ADAMTS2: variants seen among roughly 807,000 people sequenced by gnomAD.
ADAMTS2 encodes A disintegrin and metalloproteinase with thrombospondin motifs 2.
A neutral mutation model predicts 123.0 loss-of-function variants in ADAMTS2; 50 were observed. That is an observed-to-expected ratio of 0.41 (90% CI 0.32 to 0.51). The LOEUF (loss-of-function observed/expected upper bound fraction) is 0.51. Ranked by LOEUF, ADAMTS2 falls within the 20% of genes least tolerant of loss-of-function variation. The probability of loss-of-function intolerance (pLI) is 0.35; values close to 1 mark genes in which losing one functional copy is unlikely to be tolerated. For synonymous variants in ADAMTS2, 678 were observed against 695.4 expected, an observed-to-expected ratio of 0.98 and a Z score of 0.39; for missense variants, 1,494 against 1,705.2, an observed-to-expected ratio of 0.88 and a Z score of 2.18.
chr5:179,235,836 T>C (rs1471546715), intron 3 of ADAMTS2, among the ~76,000 whole-genome samples: 1 of 152,176 alleles, frequency 6.6e-6, no homozygotes, highest in Non-Finnish European at 1.5e-5. Context: ...TGCACTGGGA[T>C]TGCTCCAACA....
intron 2 of ADAMTS2, among the ~76,000 whole-genome samples, chr5:179,318,066 T>C (rs1289967394): frequency 1.3e-5 from 2 of 152,160 alleles, no homozygotes; most frequent in East Asian, 1.9e-4. Flanking sequence ...GCCACGTCTC[T>C]ACCCTGGCCA....
At position 179,130,918 on chromosome 5, in the gene ADAMTS2, C is replaced by T. The variant is rs7722275; in HGVS notation, c.2291-820G>A. On this transcript the variant is annotated intron_variant, in intron 15 of 21. Coordinates refer to ENST00000251582, the MANE Select transcript of ADAMTS2 (RefSeq NM_014244.5). This position sits in a 1 kb window ranked among gnomAD's most constrained non-coding sequence, Gnocchi z 4.3. ...CCCCAGAGGCGGTGGCAGGAAGCAG[C>T]GTTGGGACAGAAATGTCTTTTTGTT... Among the ~76,000 whole-genome samples the T allele has an allele frequency of 0.64, 96,638 of 151,898 alleles. 30,810 individuals carry two copies. The highest frequency in any genetic ancestry group is 0.67 in the African/African-American group (27,571 of 41,376).
Position 179,221,719 on chromosome 5 carries a change from G to C in ADAMTS2, c.689-14004C>G, listed in dbSNP as rs538599435. Among the ~76,000 whole-genome samples the C allele has an allele frequency of 1.2e-4, 19 of 152,146 alleles. No individual in the cohort carries two copies. The South Asian group carries it at 2.5e-3, about 20-fold the overall frequency. On this transcript the variant is annotated intron_variant, in intron 3 of 21. Coordinates refer to ENST00000251582, the MANE Select transcript of ADAMTS2 (RefSeq NM_014244.5). ...GCTCCCTGGATCTGCCCAGAGAAGA[G>C]CCCCCCGCAGAGGTGATGCAATGCT...
chr5:179,125,273 G>C, intron 18 of ADAMTS2, 93 bp from the exon 19 acceptor site: 1 of 1,189,862 alleles, frequency 8.4e-7, no homozygotes, highest in Non-Finnish European at 1.2e-6. Flanking sequence ...AGCCCAGGTA[G>C]ACAGCGAGCA....
chr5:179,172,952 C>T (rs940733147), intron 5 of ADAMTS2, among the ~76,000 whole-genome samples: 6 of 152,016 alleles, frequency 3.9e-5, no homozygotes, highest in African/African-American at 1.2e-4. Flanking sequence ...CACCTGTAAT[C>T]CCAGTGCTAT....
chr5:179,129,616 T>C lies in ADAMTS2; in HGVS notation c.2457+316A>G, dbSNP rs894584882. 6.6e-6 allele frequency among the ~76,000 whole-genome samples: 1 copy of C among 152,070 alleles called. No individual in the cohort carries two copies. Among genetic ancestry groups the C allele is most frequent in the South Asian group, 2.1e-4 (1 of 4,810 alleles). ...CGTCACCTCCCAGAGTGTCACCGAT[T>C]CCAATGTAACAGCACACTCGAACGA... On this transcript the variant is annotated intron_variant, in intron 16 of 21. Coordinates refer to ENST00000251582, the MANE Select transcript of ADAMTS2 (RefSeq NM_014244.5). The surrounding 1 kb of genome is among the most constrained non-coding windows in gnomAD (Gnocchi z 4.1).
chr5:179,232,555 G>T (rs1216604472), intron 3 of ADAMTS2, among the ~76,000 whole-genome samples: 1 of 152,190 alleles, frequency 6.6e-6, no homozygotes, highest in African/African-American at 2.4e-5. Context: ...TCCTTCTGGG[G>T]CTGTTACATT....
At chr5:179,251,105 A>T (rs912686520) in intron 3 of ADAMTS2, among the ~76,000 whole-genome samples, 8 of 152,222 alleles carry the variant, frequency 5.3e-5, no homozygotes, top group Admixed American at 4.6e-4. Context: ...ATTCTGCATC[A>T]GGCGGGCCTG....
rs462009 is a variant in ADAMTS2 at position 179,344,010 on chromosome 5, G to A, written c.291C>T (p.Phe97=). ...CAGGCTCCTCCTCGTTGCCTCCGGG[G>A]AAGCTCGGGGTCCGGACCGGGGCGG... ...RRAAPVRTPS[F]PGGNEEEPGS... is the part of the protein sequence containing the mutation. Residue 97 remains phenylalanine, a synonymous_variant, in exon 2 of 22, where the codon TTC becomes TTT. Coordinates refer to ENST00000251582, the MANE Select transcript of ADAMTS2 (RefSeq NM_014244.5). The A allele has an allele frequency of 2.0e-5, 32 of 1,612,696 alleles. 1 individual carries two copies. In the South Asian group the frequency reaches 2.3e-4, roughly 12 times the overall value.
At chr5:179,192,955 G>A (rs543273694) in intron 4 of ADAMTS2, among the ~76,000 whole-genome samples, 1 of 152,306 alleles carries the variant, frequency 6.6e-6, no homozygotes, top group South Asian at 2.1e-4. Context: ...AAGCTCAGCC[G>A]CACGCGCCTT....
intron 4 of ADAMTS2, among the ~76,000 whole-genome samples, chr5:179,203,474 A>C (rs1274182257): frequency 6.6e-6 from 1 of 152,166 alleles, no homozygotes; most frequent in Non-Finnish European, 1.5e-5. Flanking sequence ...GGGACTTACA[A>C]GAGGAGTGTG....
rs150553087 is a variant in ADAMTS2 at position 179,279,358 on chromosome 5, G to A, written c.535-6294C>T. ...GAAATACACACACAGCACGCACCTTGCCAAGAGTCCCCCAGATGCTGGCAT... is the reference window on the plus strand; with the variant it reads ...GAAATACACACACAGCACGCACCTTACCAAGAGTCCCCCAGATGCTGGCAT... On this transcript the variant is annotated intron_variant, in intron 2 of 21. Coordinates refer to ENST00000251582, the MANE Select transcript of ADAMTS2 (RefSeq NM_014244.5). 3.1e-3 allele frequency among the ~76,000 whole-genome samples: 470 copies of A among 152,302 alleles called. 1 individual carries two copies. The highest frequency in any genetic ancestry group is 0.031 in the Middle Eastern group (9 of 294).
chr5:179,253,999 T>C (rs1022452270), intron 3 of ADAMTS2, among the ~76,000 whole-genome samples: 1 of 152,092 alleles, frequency 6.6e-6, no homozygotes, highest in Non-Finnish European at 1.5e-5. Flanking sequence ...ATATATGCCA[T>C]CCCAGGGCGG....
rs1766068602 is a variant in ADAMTS2, at chr5:179,256,854, C to T, written c.688+16057G>A. On this transcript the variant is annotated intron_variant, in intron 3 of 21. Transcript: ENST00000251582. The surrounding 1 kb of genome is among the most constrained non-coding windows in gnomAD (Gnocchi z 4.1). The stretch of plus-strand genomic sequence containing the variant: ...AAGCCGTTGTACGAGTCAAATAAAA[C>T]ATTGCGGGGTGGGGCGGCGAGGCCG... 6.6e-6 allele frequency among the ~76,000 whole-genome samples: 1 copy of T among 152,280 alleles called. No homozygotes were observed. The highest frequency in any genetic ancestry group is 2.4e-5 in the African/African-American group (1 of 41,482).
intron 2 of ADAMTS2, among the ~76,000 whole-genome samples, chr5:179,324,145 C>T (rs919765767): frequency 1.4e-4 from 21 of 152,182 alleles, no homozygotes; most frequent in Admixed American, 5.9e-4. Flanking sequence ...CCTGGGAGGA[C>T]GGGGTAATTG....
chr5:179,319,782 C>A (rs995687678), intron 2 of ADAMTS2, among the ~76,000 whole-genome samples: 19 of 152,186 alleles, frequency 1.2e-4, no homozygotes, highest in African/African-American at 4.3e-4. Flanking sequence ...AGGAAGCATG[C>A]GTGCAGACTG....
rs780713793 is a variant in ADAMTS2, at chr5:179,135,961, G to A, written c.2033C>T (p.Thr678Met). The A allele has an allele frequency of 1.2e-6, 2 of 1,613,360 alleles. No homozygotes were observed. Among genetic ancestry groups the A allele is most frequent in the Non-Finnish European group, 8.5e-7 (1 of 1,180,020 alleles). Residue 678 changes from threonine (T) to methionine (M), a missense_variant, in exon 13 of 22, where the codon ACG (threonine) becomes ATG (methionine). Transcript: ENST00000251582. ...GAAGGCGTCCTTGTAGGAGCAGCGC[G>A]TCCCGTCATGCACCATGCGCTTCAT... ...VSMKRMVHDG[T>M]RCSYKDAFSL... is the part of the protein sequence containing the mutation.
chr5:179,250,820 C>G (rs1361116668), intron 3 of ADAMTS2, among the ~76,000 whole-genome samples: 1 of 152,248 alleles, frequency 6.6e-6, no homozygotes, highest in African/African-American at 2.4e-5. Context: ...ATGTCACCCT[C>G]TAACGCCCTC....
At chr5:179,184,717 C>T (rs576097887) in intron 4 of ADAMTS2, among the ~76,000 whole-genome samples, 3 of 152,138 alleles carry the variant, frequency 2.0e-5, no homozygotes, top group South Asian at 2.1e-4. Flanking sequence ...ATGGCCTGGG[C>T]GAGCCTGACC....
Sources: allele counts gnomAD v4.1 joint callset (sites outside exome capture counted in the v4.1 genomes callset), GRCh38; gene constraint gnomAD v4.1.1; non-coding constraint Gnocchi (gnomAD v3.1); transcripts MANE v1.5; gene names NCBI Gene and HGNC (gene_info 2026-07-23, HGNC 2026-07-21).